Variants in TMPRSS11B observed in about 807,000 individuals in gnomAD.
TMPRSS11B encodes the protein transmembrane protease serine 11B.
In TMPRSS11B, 53 loss-of-function variants were observed where a neutral mutation model predicts 44.7. The observed-to-expected ratio is 1.19, with a 90% confidence interval of 0.95 to 1.49. The LOEUF (loss-of-function observed/expected upper bound fraction) is 1.49. Ranked by LOEUF, TMPRSS11B falls within the 40% of genes most tolerant of loss-of-function variation. The probability of loss-of-function intolerance (pLI) is 0.00; values close to 1 mark genes in which losing one functional copy is unlikely to be tolerated. For missense variants in TMPRSS11B, 526 were observed against 494.8 expected (o/e 1.06, Z -0.60); for synonymous variants, 140 against 159.2 (o/e 0.88, Z 0.91).
intron 6 of TMPRSS11B, chr4:68,232,140 G>A (rs6552174): frequency 1 from 289,394 of 289,978 alleles, 144,411 homozygotes; most frequent in East Asian, 1. Flanking sequence ...TTCACTCACA[G>A]TTTTATTATT....
chr4:68,234,781 T>C (rs77737781), intron 4 of TMPRSS11B, among the ~76,000 whole-genome samples, 158 bp from the exon 5 acceptor site: 4,330 of 152,242 alleles, frequency 0.028, 206 homozygotes, highest in African/African-American at 0.097. Flanking sequence ...TTCAAAGATA[T>C]CTAAAAAAAC....
Position 68,229,354 on chromosome 4 carries a change from T to C in TMPRSS11B, c.849A>G (p.Thr283=), listed in dbSNP as rs139776573. Residue 283 remains threonine, a synonymous_variant, in exon 8 of 10, where the codon ACA becomes ACG. Transcript: ENST00000332644. The part of the protein sequence containing the change: ...LVQLAEEVSF[T]EYIRKICLPE... ...GAAGACAAATCTTACGAATGTACTC[T>C]GTAAAAGAAACTTCTTCAGCAAGCT... 235 of 1,614,110 alleles carry C rather than the reference T, an allele frequency of 1.5e-4. 1 individual carries two copies. In the African/African-American group the frequency reaches 2.8e-3, roughly 19 times the overall value.
At chr4:68,238,799 C>A (rs1719744046) in intron 2 of TMPRSS11B, among the ~76,000 whole-genome samples, 1 of 151,836 alleles carries the variant, frequency 6.6e-6, no homozygotes, top group Non-Finnish European at 1.5e-5. Flanking sequence ...ACTCTAAGAC[C>A]CTCTTCTTTC....
At chr4:68,231,992 A>G (rs6552173) in intron 6 of TMPRSS11B, 40,428 of 158,044 alleles carry the variant, frequency 0.26, 5,909 homozygotes, top group Admixed American at 0.35. Context: ...GCAAAAAATA[A>G]TAATAATTTT....
At chr4:68,238,950 T>C (rs1010615309) in intron 2 of TMPRSS11B, among the ~76,000 whole-genome samples, 1 of 152,204 alleles carries the variant, frequency 6.6e-6, no homozygotes, top group Admixed American at 6.5e-5. Context: ...AAAAGTCTCA[T>C]ACATCATGCC....
Position 68,236,246 on chromosome 4 carries a change from C to T in TMPRSS11B, c.145G>A (p.Gly49Ser), listed in dbSNP as rs764662900. The T allele has an allele frequency of 3.1e-6, 5 of 1,606,454 alleles. No individual in the cohort carries two copies. The African/African-American group carries it at 4.0e-5, about 13-fold the overall frequency. The stretch of plus-strand genomic sequence containing the variant: ...GTGACTCCAGAAATATGAAAATCAC[C>T]TTGATAATAGTAAGTCTTCTCTGCA... ...LAVEKTYYYQ[G>S]DFHISGVTYN... Residue 49 changes from glycine to serine, a missense_variant, in exon 3 of 10, where the codon GGT becomes AGT. Physicochemically the swap from Gly to Ser is moderately conservative, Grantham distance 56. Coordinates refer to ENST00000332644, the MANE Select transcript of TMPRSS11B (RefSeq NM_182502.3).
chr4:68,242,346 T>A (rs6831732), intron 1 of TMPRSS11B, among the ~76,000 whole-genome samples: 26 of 78,610 alleles, frequency 3.3e-4, no homozygotes, highest in African/African-American at 1.4e-3. Flanking sequence ...ATATATATAT[T>A]ATATATAATA....
At chr4:68,235,744 A>G (rs1719641287) in intron 4 of TMPRSS11B, among the ~76,000 whole-genome samples, 1 of 152,152 alleles carries the variant, frequency 6.6e-6, no homozygotes, top group South Asian at 2.1e-4. Context: ...TGCAGGTATA[A>G]GATTAAAGAT....
At chr4:68,235,472 C>T (rs1719633282) in intron 4 of TMPRSS11B, among the ~76,000 whole-genome samples, 1 of 152,134 alleles carries the variant, frequency 6.6e-6, no homozygotes, top group Non-Finnish European at 1.5e-5. Context: ...CTATACCCTC[C>T]TCCCTGCATC....
rs1448152029 is a variant in TMPRSS11B at position 68,245,647 on chromosome 4, T to TTA, written c.-90_-89insTA. On this transcript the variant is annotated 5_prime_UTR_variant, in exon 1 of 10. Transcript: ENST00000332644. ...ATAACGATGACAATGCTGGTAATAGTGATGACAAAAGTTAGAACCTTCTGA... is the reference window on the plus strand; with the variant it reads ...ATAACGATGACAATGCTGGTAATAGTTAGATGACAAAAGTTAGAACCTTCTGA... The TTA allele has an allele frequency of 2.6e-6, 4 of 1,509,806 alleles. No homozygotes were observed. Among genetic ancestry groups the TTA allele is most frequent in the Non-Finnish European group, 3.7e-6 (4 of 1,087,656 alleles). 93.5% of individuals were successfully genotyped at this position (1,509,806 alleles called of 1,614,324 possible).
Position 68,245,637 on chromosome 4 carries a change from C to A in TMPRSS11B, c.-79G>T. 6.5e-7 allele frequency: 1 copy of A among 1,533,776 alleles called. No homozygotes were observed. Among genetic ancestry groups the A allele is most frequent in the East Asian group, 2.3e-5 (1 of 44,374 alleles). ...GAAGATAACGATAACGATGACAATG[C>A]TGGTAATAGTGATGACAAAAGTTAG... On this transcript the variant is annotated 5_prime_UTR_variant, in exon 1 of 10. Transcript: ENST00000332644.
At chr4:68,244,391 G>A (rs1423741851) in intron 1 of TMPRSS11B, among the ~76,000 whole-genome samples, 3 of 152,140 alleles carry the variant, frequency 2.0e-5, no homozygotes, top group South Asian at 2.1e-4. Context: ...TTGGGAGGCC[G>A]AGGCAGGCGG....
At chr4:68,245,334 A>G (rs1356592314) in intron 1 of TMPRSS11B, among the ~76,000 whole-genome samples, 2 of 152,180 alleles carry the variant, frequency 1.3e-5, no homozygotes, top group Admixed American at 1.3e-4. Flanking sequence ...CCCAGTAAGC[A>G]AAATTTTGCT....
rs935811959 is a variant in TMPRSS11B, at chr4:68,245,674, G to A, written c.-116C>T. On this transcript the variant is annotated 5_prime_UTR_variant, in exon 1 of 10. Transcript: ENST00000332644. ...ATGACAAAAGTTAGAACCTTCTGAC[G>A]CAGCTTTTGACTTATGTGCTACATC... 4.4e-5 allele frequency: 58 copies of A among 1,305,022 alleles called. 1 individual carries two copies. The highest frequency in any genetic ancestry group is 1.0e-4 in the African/African-American group (7 of 68,244). The allele number at this position is 1,305,022 out of a possible 1,614,324, so 80.8% of individuals were successfully genotyped here. A position where few individuals can be genotyped will look rare whatever the true frequency, so the allele number is the denominator to read the frequency against.
Position 68,242,225 on chromosome 4 carries a change from TTATATTA to T in TMPRSS11B, c.9-428_9-422del, listed in dbSNP as rs1312500219. On this transcript the variant is annotated intron_variant, in intron 1 of 9. Transcript: ENST00000332644. ...ATAATATAATATATATAATATTATA[TTATATTA>T]TATATATTATATTATATATATTATA... Among the ~76,000 whole-genome samples the T allele has an allele frequency of 1.1e-4, 9 of 82,384 alleles. No individual in the cohort carries two copies. The East Asian group carries it at 1.1e-3, about 10-fold the overall frequency. 54.0% of individuals were successfully genotyped at this position (82,384 alleles called of 152,430 possible).
chr4:68,232,978 T>C (rs1415961125), intron 5 of TMPRSS11B, among the ~76,000 whole-genome samples: 4 of 152,012 alleles, frequency 2.6e-5, no homozygotes, highest in African/African-American at 7.3e-5. Context: ...CAATTAAAAT[T>C]ATACTTCACT....
rs767989161 is a variant in TMPRSS11B, at chr4:68,228,751, A to G, written c.1080T>C (p.Asp360=). The G allele has an allele frequency of 1.4e-5, 22 of 1,610,222 alleles. No homozygotes were observed. The highest frequency in any genetic ancestry group is 3.3e-5 in the South Asian group (3 of 90,262). The stretch of plus-strand genomic sequence containing the variant: ...ATGTAACTAGACATACCTGACATGC[A>G]TCAGCTTCTCCTGACATAAATCCAG... ...LCAGFMSGEA[D]ACQNDSGGPL... is the part of the protein sequence containing the mutation. The change falls in exon 9 of 10, where the codon GAT becomes GAC. Residue 360 remains aspartate (D), a synonymous_variant. Transcript: ENST00000332644.
Position 68,228,046 on chromosome 4 carries a change from G to A in TMPRSS11B, c.1116C>T (p.Tyr372=), listed in dbSNP as rs1719404086. Residue 372 remains tyrosine (Y), a synonymous_variant, in exon 10 of 10, where the codon TAC becomes TAT. Coordinates refer to ENST00000332644, the MANE Select transcript of TMPRSS11B (RefSeq NM_182502.3). ...CQNDSGGPLA[Y]PDSRNIWHLV... ...GATGCCAGATATTTCTGGAATCAGGGTAAGCTAGTGGTCCACCAGAATCAT... is the reference window on the plus strand; with the variant it reads ...GATGCCAGATATTTCTGGAATCAGGATAAGCTAGTGGTCCACCAGAATCAT... The A allele has an allele frequency of 1.9e-6, 3 of 1,610,376 alleles. No homozygotes were observed. Among genetic ancestry groups the A allele is most frequent in the Non-Finnish European group, 1.7e-6 (2 of 1,179,058 alleles).
intron 1 of TMPRSS11B, among the ~76,000 whole-genome samples, chr4:68,244,638 T>G (rs2109967614): frequency 6.6e-6 from 1 of 152,374 alleles, no homozygotes; most frequent in Non-Finnish European, 1.5e-5. Flanking sequence ...ATAATGATGT[T>G]AATCAAAATG....
Sources: gnomAD v4.1 joint callset for allele counts (sites outside exome capture counted in the v4.1 genomes callset) on GRCh38, gnomAD v4.1.1 for gene constraint, MANE v1.5 for transcripts, NCBI Gene and HGNC (gene_info 2026-07-23, HGNC 2026-07-21) for gene names.